KHDRBS2: variants seen among roughly 807,000 people sequenced by gnomAD.
KHDRBS2 encodes the protein KH RNA binding domain containing, signal transduction associated 2, also known as KH domain-containing, RNA-binding, signal transduction-associated protein 2.
A neutral mutation model predicts 44.3 loss-of-function variants in KHDRBS2; 26 were observed. That is an observed-to-expected ratio of 0.59 (90% CI 0.43 to 0.81). The LOEUF is 0.81. KHDRBS2 is among the 40% of genes least tolerant of loss of function. The probability of loss-of-function intolerance (pLI) is 0.00; values close to 1 mark genes in which losing one functional copy is unlikely to be tolerated. For synonymous variants in KHDRBS2, 194 were observed against 151.1 expected, an observed-to-expected ratio of 1.28 and a Z score of -2.08; for missense variants, 476 against 433.1, an observed-to-expected ratio of 1.10 and a Z score of -0.88.
intron 4 of KHDRBS2, among the ~76,000 whole-genome samples, chr6:61,920,009 T>C (rs920479839): frequency 3.9e-5 from 6 of 151,980 alleles, no homozygotes; most frequent in African/African-American, 1.4e-4. Context: ...ATTGAAGATA[T>C]ATGACCCCAA....
At chr6:61,774,047 C>G (rs1328737220) in intron 6 of KHDRBS2, among the ~76,000 whole-genome samples, 1 of 152,078 alleles carries the variant, frequency 6.6e-6, no homozygotes, top group Non-Finnish European at 1.5e-5. Flanking sequence ...GTTACTGTAG[C>G]CTTGTAGTAT....
chr6:61,676,309 T>C (rs183231566), downstream of KHDRBS2, among the ~76,000 whole-genome samples: 1 of 152,016 alleles, frequency 6.6e-6, no homozygotes, highest in East Asian at 2.0e-4. Context: ...TATATAATTA[T>C]ATTTTTCTAA....
chr6:62,207,037 A>G (rs990046063), intron 1 of KHDRBS2, among the ~76,000 whole-genome samples: 13 of 152,086 alleles, frequency 8.5e-5, no homozygotes, highest in Non-Finnish European at 1.8e-4. Flanking sequence ...ATGTATGAAA[A>G]AAGCAATGAA....
chr6:61,825,313 G>A (rs1229828668), intron 6 of KHDRBS2, among the ~76,000 whole-genome samples: 1 of 152,078 alleles, frequency 6.6e-6, no homozygotes, highest in Non-Finnish European at 1.5e-5. Context: ...TGTTTCCATA[G>A]GCAAAACATA....
intron 2 of KHDRBS2, among the ~76,000 whole-genome samples, chr6:62,095,273 T>C (rs915440242): frequency 6.6e-6 from 1 of 151,772 alleles, no homozygotes; most frequent in African/African-American, 2.4e-5. Context: ...ATGAACAATA[T>C]AAAACACCGA....
the KHDRBS2 span, among the ~76,000 whole-genome samples, chr6:61,668,131 T>A: frequency 1.3e-5 from 2 of 151,140 alleles, no homozygotes; most frequent in South Asian, 4.1e-4. Flanking sequence ...TATATAGTAT[T>A]ATATACCAAA....
At chr6:61,954,979 T>C (rs1457864743) in intron 4 of KHDRBS2, among the ~76,000 whole-genome samples, 2 of 75,832 alleles carry the variant, frequency 2.6e-5, no homozygotes, top group Admixed American at 1.4e-4. Flanking sequence ...CATACATATG[T>C]ATGTGTATAC....
intron 4 of KHDRBS2, among the ~76,000 whole-genome samples, chr6:61,931,548 A>C (rs1810055819): frequency 6.6e-6 from 1 of 152,138 alleles, no homozygotes; most frequent in Non-Finnish European, 1.5e-5. Flanking sequence ...AGAAGAATTT[A>C]AGTGGTTTTA....
chr6:61,943,884 C>A (rs1005656390), intron 4 of KHDRBS2, among the ~76,000 whole-genome samples: 1 of 151,902 alleles, frequency 6.6e-6, no homozygotes, highest in Non-Finnish European at 1.5e-5. Flanking sequence ...GATATAGTGA[C>A]GACAAAGAGG....
At chr6:61,907,133 T>C (rs1271470848) in intron 4 of KHDRBS2, among the ~76,000 whole-genome samples, 1 of 152,212 alleles carries the variant, frequency 6.6e-6, no homozygotes, top group African/African-American at 2.4e-5. Context: ...GCAGTTTTGA[T>C]TTGCATTTCT....
At position 61,861,660 on chromosome 6, in the gene KHDRBS2, G is replaced by GT. The variant is rs201174175; in HGVS notation, c.810+32974dup. ...CAGGTAGCACGATGCCTCCAGTTTT[G>GT]TTTTTTTTTTTCTTAGGATTGCCTT... On this transcript the variant is annotated intron_variant, in intron 6 of 8. Transcript: ENST00000281156. Among the ~76,000 whole-genome samples, 865 of 147,512 alleles carry GT rather than the reference G, an allele frequency of 5.9e-3. 7 individuals are homozygous for GT. Among genetic ancestry groups the GT allele is most frequent in the African/African-American group, 0.018 (737 of 40,254 alleles).
chr6:61,668,745 C>G, the KHDRBS2 span, among the ~76,000 whole-genome samples: 1 of 150,960 alleles, frequency 6.6e-6, no homozygotes, highest in African/African-American at 2.4e-5. Flanking sequence ...CTTTTTCTTT[C>G]CAAATCTTTT....
At chr6:61,629,985 T>C in the KHDRBS2 span, among the ~76,000 whole-genome samples, 1 of 152,220 alleles carries the variant, frequency 6.6e-6, no homozygotes, top group Non-Finnish European at 1.5e-5. Context: ...TCTCAAATAG[T>C]ACTTTCAACC....
chr6:62,269,971 A>G (rs542571600), intron 1 of KHDRBS2, among the ~76,000 whole-genome samples: 64 of 152,252 alleles, frequency 4.2e-4, no homozygotes, highest in African/African-American at 1.5e-3. Context: ...CCTAAGAAAA[A>G]GGAAGAGTAT....
intron 8 of KHDRBS2, among the ~76,000 whole-genome samples, chr6:61,694,017 T>C (rs1767642334): frequency 6.6e-6 from 1 of 152,222 alleles, no homozygotes; most frequent in African/African-American, 2.4e-5. Context: ...CTGCCAGATA[T>C]CATCAAATTT....
At chr6:61,903,406 T>A (rs896176727) in intron 4 of KHDRBS2, among the ~76,000 whole-genome samples, 2 of 152,004 alleles carry the variant, frequency 1.3e-5, no homozygotes, top group Non-Finnish European at 2.9e-5. Context: ...ATTCAACATA[T>A]ATAGAAGTGT....
At chr6:62,259,326 T>C (rs765789024) in intron 1 of KHDRBS2, among the ~76,000 whole-genome samples, 3 of 152,072 alleles carry the variant, frequency 2.0e-5, no homozygotes, top group Non-Finnish European at 4.4e-5. Context: ...TCTTATCATT[T>C]AGTCCTTAAA....
At chr6:62,003,418 G>A (rs1778630233) in intron 3 of KHDRBS2, among the ~76,000 whole-genome samples, 1 of 152,022 alleles carries the variant, frequency 6.6e-6, no homozygotes, top group South Asian at 2.1e-4. Context: ...GTTATTTCTT[G>A]AGAGGAGAAC....
intron 6 of KHDRBS2, among the ~76,000 whole-genome samples, chr6:61,858,336 G>T (rs939810779): frequency 4.0e-5 from 6 of 151,220 alleles, no homozygotes; most frequent in Non-Finnish European, 3.0e-5. Context: ...TATAATACTA[G>T]ATATGTAACC....
Sources: allele counts gnomAD v4.1 joint callset (sites outside exome capture counted in the v4.1 genomes callset), GRCh38; gene constraint gnomAD v4.1.1; transcripts MANE v1.5; gene names NCBI Gene and HGNC (gene_info 2026-07-23, HGNC 2026-07-21).